Variants in PCDH11Y observed in about 807,000 individuals in gnomAD.
PCDH11Y encodes the protein protocadherin 11 Y-linked, also known as protocadherin-11 Y-linked.
For synonymous variants in PCDH11Y, 9 were observed against 83.6 expected (o/e 0.11, Z 4.87); for missense variants, 12 against 224.8 (o/e 0.05, Z 6.05).
At chrY:5,650,417 T>A in intron 4 of PCDH11Y, among the ~76,000 whole-genome samples, 1 of 33,165 alleles carries the variant, frequency 3.0e-5, no homozygotes, top group Non-Finnish European at 7.5e-5. Context: ...ATTAACTCTG[T>A]AAGTAAAACT....
intron 1 of PCDH11Y, among the ~76,000 whole-genome samples, chrY:5,018,668 T>A (rs374489388): frequency 6.7e-5 from 2 of 29,665 alleles, no homozygotes; most frequent in East Asian, 1.8e-3. Context: ...CCAAATTAAC[T>A]GCTGGTTTTA....
chrY:5,720,822 T>A, intron 4 of PCDH11Y, among the ~76,000 whole-genome samples: 1 of 31,929 alleles, frequency 3.1e-5, no homozygotes, highest in African/African-American at 1.2e-4. Context: ...ATAATCCATA[T>A]CTCGCCACAC....
chrY:5,535,749 G>A (rs2053399501), intron 3 of PCDH11Y, among the ~76,000 whole-genome samples: 1 of 32,652 alleles, frequency 3.1e-5, no homozygotes, highest in Non-Finnish European at 7.5e-5. Context: ...GTAGATATTC[G>A]GTAGTGGGAT....
chrY:5,571,055 G>A (rs2124696227), intron 3 of PCDH11Y, among the ~76,000 whole-genome samples: 2 of 31,101 alleles, frequency 6.4e-5, no homozygotes, highest in Non-Finnish European at 7.8e-5. Flanking sequence ...CTATACTTTC[G>A]TTTCAATTAT....
intron 2 of PCDH11Y, among the ~76,000 whole-genome samples, chrY:5,332,253 G>A (rs2124667693): frequency 6.0e-5 from 2 of 33,491 alleles, no homozygotes; most frequent in East Asian, 1.6e-3. Context: ...TTTGATTGAT[G>A]TGTCATACTT....
intron 4 of PCDH11Y, among the ~76,000 whole-genome samples, chrY:5,687,125 T>C: frequency 3.2e-5 from 1 of 31,380 alleles, no homozygotes; most frequent in Admixed American, 3.0e-4. Context: ...CAAACCACCA[T>C]GGCACACGTT....
At chrY:5,245,279 G>A (rs2052994390) in intron 2 of PCDH11Y, among the ~76,000 whole-genome samples, 1 of 31,923 alleles carries the variant, frequency 3.1e-5, no homozygotes, top group Admixed American at 2.8e-4. Context: ...AACGGGTCCT[G>A]CTCCCCATGC....
chrY:5,680,483 A>T, intron 4 of PCDH11Y, among the ~76,000 whole-genome samples: 1 of 32,893 alleles, frequency 3.0e-5, no homozygotes, highest in Non-Finnish European at 7.4e-5. Flanking sequence ...GCCCTCACCA[A>T]ATGAACTAAA....
intron 2 of PCDH11Y, among the ~76,000 whole-genome samples, chrY:5,480,804 G>T (rs1602931763): frequency 6.2e-3 from 212 of 33,940 alleles, no homozygotes; most frequent in African/African-American, 0.024. Context: ...GCTGCACTGT[G>T]GTGAATTTGC....
intron 2 of PCDH11Y, among the ~76,000 whole-genome samples, chrY:5,123,471 T>C: frequency 3.1e-5 from 1 of 31,950 alleles, no homozygotes; most frequent in Non-Finnish European, 7.7e-5. Context: ...CTGATTGGAA[T>C]TTTACCAAGA....
intron 4 of PCDH11Y, among the ~76,000 whole-genome samples, chrY:5,589,922 G>A (rs1602947325): frequency 2.9e-5 from 1 of 34,675 alleles, no homozygotes; most frequent in Non-Finnish European, 7.4e-5. Flanking sequence ...ATTAGAGAAC[G>A]CAAGAAGCCC....
chrY:5,163,660 C>T, intron 2 of PCDH11Y, among the ~76,000 whole-genome samples: 1 of 32,427 alleles, frequency 3.1e-5, no homozygotes, highest in African/African-American at 1.2e-4. Context: ...GTATGCAGCC[C>T]TTCCCCCATG....
At chrY:5,029,922 C>CA (rs2052586779) in intron 1 of PCDH11Y, among the ~76,000 whole-genome samples, 80 of 5,197 alleles carry the variant, frequency 0.015, no homozygotes, top group African/African-American at 0.023. Context: ...GACTCTGTCT[C>CA]AAAAAAAAAA....
At chrY:5,240,465 C>T in intron 2 of PCDH11Y, among the ~76,000 whole-genome samples, 2 of 31,121 alleles carry the variant, frequency 6.4e-5, no homozygotes, top group East Asian at 1.7e-3. Context: ...TCAGACAAAT[C>T]ACTAACTATG....
chrY:5,213,974 G>T, intron 2 of PCDH11Y, among the ~76,000 whole-genome samples: 1 of 31,962 alleles, frequency 3.1e-5, no homozygotes, highest in Non-Finnish European at 7.6e-5. Flanking sequence ...AAAAAAATTT[G>T]CCAGGTGTGT....
intron 2 of PCDH11Y, among the ~76,000 whole-genome samples, chrY:5,235,112 CCA>C (rs2052973365): frequency 3.1e-5 from 1 of 32,185 alleles, no homozygotes; most frequent in Admixed American, 3.0e-4. Context: ...AATTCATAAT[CCA>C]CACAGTTTTC....
At chrY:5,447,280 A>G in intron 2 of PCDH11Y, among the ~76,000 whole-genome samples, 3 of 30,013 alleles carry the variant, frequency 1.0e-4, no homozygotes, top group African/African-American at 3.9e-4. Context: ...TGAAGTGACA[A>G]TAAGAACTTC....
chrY:5,404,080 C>A (rs2124677340), intron 2 of PCDH11Y, among the ~76,000 whole-genome samples: 1 of 33,478 alleles, frequency 3.0e-5, no homozygotes, highest in Non-Finnish European at 7.4e-5. Flanking sequence ...TTTTAAGTAA[C>A]TAATGCAGAT....
At chrY:5,097,551 G>A in intron 1 of PCDH11Y, among the ~76,000 whole-genome samples, 10 of 32,872 alleles carry the variant, frequency 3.0e-4, no homozygotes, top group African/African-American at 8.3e-4. Context: ...TAAATAGTTC[G>A]AAAACCAAAC....
Sources: gnomAD v4.1 joint callset for allele counts (sites outside exome capture counted in the v4.1 genomes callset) on GRCh38, gnomAD v4.1.1 for gene constraint, MANE v1.5 for transcripts, NCBI Gene and HGNC (gene_info 2026-07-23, HGNC 2026-07-21) for gene names.